The following CNTNAP4 variants were observed in gnomAD, a reference collection of about 807,000 sequenced individuals.
CNTNAP4 encodes contactin-associated protein-like 4.
Under a neutral mutation model 148.4 loss-of-function variants are expected in CNTNAP4, and 98 were observed. The ratio of observed to expected loss-of-function variants is 0.66; its 90% CI spans 0.56 to 0.78. CNTNAP4 has a LOEUF of 0.78. Among genes scored for constraint, CNTNAP4 ranks in the 30% least tolerant of loss-of-function variants. The pLI, the probability that CNTNAP4 is intolerant of heterozygous loss-of-function variation, is 0.00. For missense variants in CNTNAP4, 1,935 were observed against 1,565.6 expected (o/e 1.24, Z -3.98); for synonymous variants, 730 against 565.1 (o/e 1.29, Z -4.14).
At chr16:76,365,767 A>T (rs1057011865) in intron 3 of CNTNAP4, among the ~76,000 whole-genome samples, 2 of 148,134 alleles carry the variant, frequency 1.4e-5, no homozygotes, top group African/African-American at 4.9e-5. Flanking sequence ...AAAAAAAAAA[A>T]AAACCTAAGA....
chr16:76,522,648 T>TCTTC (rs2083512535), intron 17 of CNTNAP4, among the ~76,000 whole-genome samples: 1 of 131,364 alleles, frequency 7.6e-6, no homozygotes, highest in Non-Finnish European at 1.7e-5. Context: ...TTTCTTTCTT[T>TCTTC]TCTCTCTTTC....
chr16:76,474,514 A>G (rs4534871), intron 10 of CNTNAP4, among the ~76,000 whole-genome samples: 136,938 of 152,218 alleles, frequency 0.9, 63,208 homozygotes, highest in South Asian at 1. Flanking sequence ...GAAAAATTTT[A>G]TAAGCAAAAC....
intron 3 of CNTNAP4, among the ~76,000 whole-genome samples, chr16:76,369,530 G>T (rs1274759696): frequency 6.6e-6 from 1 of 152,182 alleles, no homozygotes; most frequent in African/African-American, 2.4e-5. Flanking sequence ...AAAGGCAGAA[G>T]AACATGAATG....
At chr16:76,497,929 C>G (rs2082459962) in intron 14 of CNTNAP4, among the ~76,000 whole-genome samples, 1 of 152,118 alleles carries the variant, frequency 6.6e-6, no homozygotes, top group South Asian at 2.1e-4. Context: ...TGGTAGACCT[C>G]AAACTGCAGT....
Position 76,316,400 on chromosome 16 carries a change from T to C in CNTNAP4, c.86-13T>C. 6.3e-7 allele frequency: 1 copy of C among 1,598,416 alleles called. No individual in the cohort carries two copies. Among genetic ancestry groups the C allele is most frequent in the South Asian group, 1.1e-5 (1 of 90,662 alleles). On this transcript the variant is annotated splice_polypyrimidine_tract_variant and intron_variant, in intron 1 of 23. Transcript: ENST00000611870. ...ACTAACTAACCCTAACGTGGCATTG[T>C]TCCTCCTGGCAGATGACTGTGATGA...
In CNTNAP4 at chr16:76,505,920, A is replaced by G. The variant is rs1442811163; in HGVS notation, c.2365+7226A>G. 4.1e-5 allele frequency among the ~76,000 whole-genome samples: 4 copies of G among 97,346 alleles called. 1 individual carries two copies. Among genetic ancestry groups the G allele is most frequent in the African/African-American group, 1.0e-4 (4 of 38,832 alleles). The allele number at this position is 97,346 out of a possible 152,430, so 63.9% of individuals were successfully genotyped here. Reference sequence around the variant, plus strand: ...GTCTCTTACAAAACAAAATTGGGTCATCAAAACAAACAGAGAAACAACCGA... The same window carrying G: ...GTCTCTTACAAAACAAAATTGGGTCGTCAAAACAAACAGAGAAACAACCGA... On this transcript the variant is annotated intron_variant, in intron 15 of 23. Coordinates refer to ENST00000611870, the MANE Select transcript of CNTNAP4 (RefSeq NM_033401.5).
intron 21 of CNTNAP4, 42 bp downstream of exon 21, chr16:76,540,832 T>G: frequency 5.9e-6 from 8 of 1,349,442 alleles, no homozygotes; most frequent in Non-Finnish European, 8.3e-6. Flanking sequence ...ATGCTAATCA[T>G]GATACATAAG....
At chr16:76,348,450 G>C (rs1220338722) in intron 2 of CNTNAP4, among the ~76,000 whole-genome samples, 2 of 152,082 alleles carry the variant, frequency 1.3e-5, no homozygotes, top group African/African-American at 4.8e-5. Flanking sequence ...TGAATGCAGA[G>C]AGAAAAGAAG....
At position 76,306,772 on chromosome 16, in the gene CNTNAP4, T is replaced by TAAG. The variant is rs1191565928; in HGVS notation, c.86-9634_86-9632dup. Among the ~76,000 whole-genome samples, 7 of 152,304 alleles carry TAAG rather than the reference T, an allele frequency of 4.6e-5. No homozygotes were observed. The East Asian group carries it at 1.2e-3, about 25-fold the overall frequency. On this transcript the variant is annotated intron_variant, in intron 1 of 23. Coordinates refer to ENST00000611870, the MANE Select transcript of CNTNAP4 (RefSeq NM_033401.5). Reference sequence around the variant, plus strand: ...CTTTGCTTAATGGTATTGGGAGGTATAAGAAGAAGGGATGGATTATTTTAA... The same window carrying TAAG: ...CTTTGCTTAATGGTATTGGGAGGTATAAGAAGAAGAAGGGATGGATTATTTTAA...
chr16:76,488,448 G>T (rs1386049416), intron 12 of CNTNAP4, among the ~76,000 whole-genome samples: 2 of 152,064 alleles, frequency 1.3e-5, no homozygotes, highest in Non-Finnish European at 2.9e-5. Context: ...CTGTGAAGTT[G>T]GTCCAGCCTC....
intron 9 of CNTNAP4, among the ~76,000 whole-genome samples, chr16:76,462,918 G>C (rs1331674261): frequency 6.6e-6 from 1 of 152,160 alleles, no homozygotes; most frequent in Admixed American, 6.5e-5. Flanking sequence ...GCATTTGATA[G>C]AGGTAGCTGA....
At chr16:76,404,403 C>T (rs931742395) in intron 3 of CNTNAP4, among the ~76,000 whole-genome samples, 3 of 151,350 alleles carry the variant, frequency 2.0e-5, no homozygotes, top group Admixed American at 6.6e-5. Context: ...GTTTGGTGAC[C>T]TCTTACAGAG....
intron 21 of CNTNAP4, among the ~76,000 whole-genome samples, chr16:76,542,457 CA>C (rs1395005879): frequency 6.6e-6 from 1 of 152,122 alleles, no homozygotes; most frequent in South Asian, 2.1e-4. Context: ...CAAGCAGCAA[CA>C]AAAACAAAGC....
intron 1 of CNTNAP4, among the ~76,000 whole-genome samples, chr16:76,314,301 T>A (rs4887854): frequency 0.94 from 143,080 of 152,294 alleles, 67,309 homozygotes; most frequent in East Asian, 1. Context: ...GAAAGAAAGC[T>A]TTCAGAGCGA....
intron 3 of CNTNAP4, among the ~76,000 whole-genome samples, chr16:76,381,086 G>A (rs2015918170): frequency 1.3e-5 from 2 of 151,964 alleles, no homozygotes; most frequent in Non-Finnish European, 2.9e-5. Flanking sequence ...AATTACTTTT[G>A]CATAAAACTT....
chr16:76,300,158 A>G (rs567338509), intron 1 of CNTNAP4, among the ~76,000 whole-genome samples: 1 of 152,178 alleles, frequency 6.6e-6, no homozygotes, highest in South Asian at 2.1e-4. Flanking sequence ...TAATAAAAAA[A>G]GAAGTTAAGG....
chr16:76,402,832 T>C (rs890600049), intron 3 of CNTNAP4, among the ~76,000 whole-genome samples: 3 of 152,272 alleles, frequency 2.0e-5, no homozygotes, highest in Admixed American at 2.0e-4. Flanking sequence ...TGGTGTTTAA[T>C]TTCCATGTAA....
chr16:76,323,016 G>A (rs1023694406), intron 2 of CNTNAP4, among the ~76,000 whole-genome samples: 3 of 151,354 alleles, frequency 2.0e-5, no homozygotes, highest in Admixed American at 2.0e-4. Context: ...TTTTGTTGTT[G>A]TTGTATTATT....
chr16:76,503,942 A>G (rs2082745133), intron 15 of CNTNAP4, among the ~76,000 whole-genome samples: 1 of 152,066 alleles, frequency 6.6e-6, no homozygotes, highest in African/African-American at 2.4e-5. Context: ...ATAACAAATT[A>G]TTAAGAAAAA....
Sources: gnomAD v4.1 joint callset for allele counts (sites outside exome capture counted in the v4.1 genomes callset) on GRCh38, gnomAD v4.1.1 for gene constraint, MANE v1.5 for transcripts, NCBI Gene and HGNC (gene_info 2026-07-23, HGNC 2026-07-21) for gene names.